Variants in PCDH15 observed in about 807,000 individuals in gnomAD.
PCDH15 encodes the protein protocadherin related 15.
PCDH15 carries 129 observed loss-of-function variants against 178.5 expected under a neutral mutation model. The ratio of observed to expected loss-of-function variants is 0.72; its 90% confidence interval spans 0.63 to 0.84. The LOEUF (loss-of-function observed/expected upper bound fraction) is 0.84. Among genes scored for constraint, PCDH15 ranks in the 40% least tolerant of loss-of-function variants. PCDH15 has a pLI of 0.00. For missense variants in PCDH15, 2,230 were observed against 2,099.9 expected (o/e 1.06, Z -1.21); for synonymous variants, 800 against 732.0 (o/e 1.09, Z -1.50).
chr10:54,450,160 A>G (rs1363757733), intron 3 of PCDH15, among the ~76,000 whole-genome samples: 1 of 126,778 alleles, frequency 7.9e-6, no homozygotes, highest in Non-Finnish European at 1.6e-5. Flanking sequence ...TATATATATT[A>G]TACTTTAAGT....
chr10:55,431,037 A>G (rs1322497338), intron 2 of PCDH15, among the ~76,000 whole-genome samples: 1 of 152,162 alleles, frequency 6.6e-6, no homozygotes, highest in Non-Finnish European at 1.5e-5. Context: ...TGATTCAGTA[A>G]AGTATTAAAT....
At chr10:55,353,170 C>G (rs1214257135) in intron 2 of PCDH15, among the ~76,000 whole-genome samples, 1 of 152,138 alleles carries the variant, frequency 6.6e-6, no homozygotes, top group East Asian at 1.9e-4. Context: ...CTTCCACAAC[C>G]AGGAGAATGC....
At chr10:54,658,319 C>G (rs540341229) in intron 2 of PCDH15, among the ~76,000 whole-genome samples, 1 of 151,968 alleles carries the variant, frequency 6.6e-6, no homozygotes, top group Non-Finnish European at 1.5e-5. Flanking sequence ...ATGAACATTA[C>G]TAAGTCATAA....
intron 2 of PCDH15, among the ~76,000 whole-genome samples, chr10:54,553,045 C>T (rs1266572778): frequency 2.0e-5 from 3 of 152,258 alleles, no homozygotes; most frequent in African/African-American, 4.8e-5. Flanking sequence ...CTTGAAAGAT[C>T]TGCATTACAC....
At chr10:54,901,228 C>T (rs968113606) in intron 2 of PCDH15, among the ~76,000 whole-genome samples, 1 of 151,944 alleles carries the variant, frequency 6.6e-6, no homozygotes, top group Non-Finnish European at 1.5e-5. Flanking sequence ...ATCACTTGAG[C>T]CTGGGAAGTG....
At chr10:53,939,431 A>C (rs2134058902) in intron 24 of PCDH15, among the ~76,000 whole-genome samples, 1 of 152,168 alleles carries the variant, frequency 6.6e-6, no homozygotes, top group South Asian at 2.1e-4. Flanking sequence ...AGAACACTTG[A>C]GAGAAAATAA....
intron 1 of PCDH15, among the ~76,000 whole-genome samples, chr10:54,681,930 T>C (rs2135670003): frequency 6.6e-6 from 1 of 152,244 alleles, no homozygotes; most frequent in African/African-American, 2.4e-5. Flanking sequence ...CTCCAGACAG[T>C]GGTAATTAAC....
intron 2 of PCDH15, among the ~76,000 whole-genome samples, chr10:55,003,619 G>A (rs1237988583): frequency 6.6e-6 from 1 of 152,126 alleles, no homozygotes; most frequent in Non-Finnish European, 1.5e-5. Context: ...GTGGTTGTTT[G>A]CATAAGTTCA....
At chr10:54,473,297 T>C (rs1375833668) in intron 3 of PCDH15, among the ~76,000 whole-genome samples, 2 of 152,156 alleles carry the variant, frequency 1.3e-5, no homozygotes, top group Admixed American at 6.6e-5. Context: ...TGGAAGCATA[T>C]TGAGCAAGTT....
chr10:54,643,774 T>C (rs868036883), intron 2 of PCDH15, among the ~76,000 whole-genome samples: 74 of 112,094 alleles, frequency 6.6e-4, no homozygotes, highest in African/African-American at 2.9e-3. Flanking sequence ...GTTATTTTCT[T>C]TTTTTTTTTT....
rs1283995613 is a variant in PCDH15, at chr10:54,792,272, A to G, written c.-29+8653T>C. Among the ~76,000 whole-genome samples the G allele has an allele frequency of 3.3e-5, 5 of 152,058 alleles. No homozygotes were observed. The East Asian group carries it at 9.7e-4, about 30-fold the overall frequency. ...AAATACCAAGGACAAAAATTGCACC[A>G]TCTCTACCCCACTAGTGACTTCAGC... On this transcript the variant is annotated intron_variant, in intron 1 of 37. Coordinates refer to ENST00000644397, the MANE Select transcript of PCDH15 (RefSeq NM_001384140.1).
At chr10:55,077,781 A>G (rs1007662728) in intron 2 of PCDH15, among the ~76,000 whole-genome samples, 8 of 152,266 alleles carry the variant, frequency 5.3e-5, no homozygotes, top group African/African-American at 1.7e-4. Flanking sequence ...TTCTGACCTC[A>G]GGTGATCCAC....
intron 1 of PCDH15, among the ~76,000 whole-genome samples, chr10:55,301,027 A>G (rs1843263283): frequency 6.6e-6 from 1 of 152,180 alleles, no homozygotes; most frequent in Non-Finnish European, 1.5e-5. Context: ...TGTGGTTTCT[A>G]GATTTTGGCT....
intron 1 of PCDH15, among the ~76,000 whole-genome samples, chr10:54,729,105 T>TA (rs1286874973): frequency 1.3e-5 from 2 of 151,642 alleles, no homozygotes; most frequent in Non-Finnish European, 3.0e-5. Flanking sequence ...AGAGCCTGAA[T>TA]AGCCAAAGCA....
At chr10:54,178,889 A>G (rs7091665) in intron 13 of PCDH15, among the ~76,000 whole-genome samples, 23,233 of 152,004 alleles carry the variant, frequency 0.15, 4,277 homozygotes, top group African/African-American at 0.44. Flanking sequence ...CACCAGTTAG[A>G]ATGGCAATCA....
intron 2 of PCDH15, among the ~76,000 whole-genome samples, chr10:55,399,865 A>G (rs967301557): frequency 2.0e-5 from 3 of 152,130 alleles, no homozygotes; most frequent in African/African-American, 7.2e-5. Context: ...ATTCCACAAT[A>G]TAGCTTAAAA....
At position 55,272,208 on chromosome 10, in the gene PCDH15, G is replaced by A. The variant is rs989934911; in HGVS notation, c.-156+47391C>T. On this transcript the variant is annotated intron_variant, in intron 1 of 5. Transcript: ENST00000458638. ...GTTTTGAATATTTCAATCTGAAAGT[G>A]AAGAAAAGAACAATCAGGATTGAAA... is the stretch of plus-strand genomic sequence containing the variant. Among the ~76,000 whole-genome samples, 44 of 151,848 alleles carry A rather than the reference G, an allele frequency of 2.9e-4. No individual in the cohort carries two copies. The East Asian group carries it at 7.5e-3, about 26-fold the overall frequency.
chr10:55,245,952 G>A (rs1841668809), intron 1 of PCDH15, among the ~76,000 whole-genome samples: 1 of 152,180 alleles, frequency 6.6e-6, no homozygotes, highest in African/African-American at 2.4e-5. Flanking sequence ...ACTTAGGGCA[G>A]ATGTGCACTT....
intron 21 of PCDH15, among the ~76,000 whole-genome samples, chr10:53,974,626 ACT>A (rs1443452258): frequency 6.6e-6 from 1 of 151,858 alleles, no homozygotes; most frequent in African/African-American, 2.4e-5. Flanking sequence ...TTCCTGGAAC[ACT>A]CTTTATATGG....
Sources: allele counts gnomAD v4.1 joint callset (sites outside exome capture counted in the v4.1 genomes callset), GRCh38; gene constraint gnomAD v4.1.1; transcripts MANE v1.5; gene names NCBI Gene and HGNC (gene_info 2026-07-23, HGNC 2026-07-21).